SLC45A4: variants seen among roughly 807,000 people sequenced by gnomAD.
The protein encoded by SLC45A4 is polyamine-transporter SLC45A4.
Under a neutral mutation model 63.7 loss-of-function variants are expected in SLC45A4, and 32 were observed. That is an observed-to-expected ratio of 0.50 (90% CI 0.38 to 0.67). The LOEUF (loss-of-function observed/expected upper bound fraction) is 0.67, where lower values mean the gene tolerates loss of function less well. SLC45A4 is among the 30% of genes least tolerant of loss of function. SLC45A4 has a pLI of 0.00. For missense variants in SLC45A4, 1,027 were observed against 1,157.7 expected, an observed-to-expected ratio of 0.89 and a Z score of 1.64; for synonymous variants, 535 against 510.0, an observed-to-expected ratio of 1.05 and a Z score of -0.66.
chr8:141,257,255 C>T (rs186816929), intron 1 of SLC45A4, among the ~76,000 whole-genome samples: 33 of 152,338 alleles, frequency 2.2e-4, no homozygotes, highest in Admixed American at 1.9e-3. Flanking sequence ...CCCACCTTTT[C>T]GGAATCATTC....
In SLC45A4 at chr8:141,254,421, A is replaced by G; in HGVS notation, c.-192T>C. The G allele has an allele frequency of 1.5e-6, 1 of 683,194 alleles. No homozygotes were observed. The highest frequency in any genetic ancestry group is 2.5e-6 in the Non-Finnish European group (1 of 398,202). The allele number at this position is 683,194 out of a possible 1,614,324, so 42.3% of individuals were successfully genotyped here. On this transcript the variant is annotated 5_prime_UTR_variant, in exon 2 of 9. Transcript: ENST00000517878. This position sits in a 1 kb window ranked among gnomAD's most constrained non-coding sequence, Gnocchi z 4.5. ...TCACAACGGTATGAGACATGCAGCA[A>G]CACAGAACGATTTTTGGTTGGATTT...
At chr8:141,243,601 C>T (rs1234375712) in intron 2 of SLC45A4, among the ~76,000 whole-genome samples, 1 of 152,134 alleles carries the variant, frequency 6.6e-6, no homozygotes, top group Non-Finnish European at 1.5e-5. Flanking sequence ...GCCGTAATCG[C>T]ACCACTGTGC....
intron 1 of SLC45A4, among the ~76,000 whole-genome samples, chr8:141,289,626 G>A (rs765377258): frequency 6.6e-6 from 1 of 152,188 alleles, no homozygotes; most frequent in Non-Finnish European, 1.5e-5. Flanking sequence ...TCCGGTGGAC[G>A]CCATGCTGGA....
intron 1 of SLC45A4, among the ~76,000 whole-genome samples, chr8:141,302,353 TCACCATCACCACCAC>T (rs1245312871): frequency 6.6e-5 from 10 of 151,242 alleles, no homozygotes; most frequent in African/African-American, 9.8e-5. Flanking sequence ...TCCACGCCAC[TCACCATCACCACCAC>T]CACCACCACC....
chr8:141,296,159 G>A (rs1019963), intron 1 of SLC45A4, among the ~76,000 whole-genome samples: 14,674 of 151,682 alleles, frequency 0.097, 834 homozygotes, highest in Middle Eastern at 0.16. Context: ...AGTGAAACCT[G>A]GTCCGTGCTA....
chr8:141,268,885 T>A (rs149012573), intron 1 of SLC45A4, among the ~76,000 whole-genome samples: 3 of 152,186 alleles, frequency 2.0e-5, no homozygotes, highest in Admixed American at 2.0e-4. Context: ...CTGCCTCTGA[T>A]CATACAACGA....
At chr8:141,255,758 A>G (rs912413672) in intron 1 of SLC45A4, among the ~76,000 whole-genome samples, 3 of 152,132 alleles carry the variant, frequency 2.0e-5, no homozygotes, top group Non-Finnish European at 2.9e-5. Flanking sequence ...AAACAAAAAG[A>G]AAAGAAAAAT....
At chr8:141,294,582 T>C (rs1296091214) in intron 1 of SLC45A4, among the ~76,000 whole-genome samples, 1 of 152,218 alleles carries the variant, frequency 6.6e-6, no homozygotes, top group Non-Finnish European at 1.5e-5. Context: ...GCCAGTTCCC[T>C]GTGAGCAGTG....
intron 2 of SLC45A4, among the ~76,000 whole-genome samples, chr8:141,243,165 G>T (rs1828000245): frequency 6.6e-6 from 1 of 152,238 alleles, no homozygotes; most frequent in Non-Finnish European, 1.5e-5. Flanking sequence ...CCACCAGAAA[G>T]TCAGGGGGAC....
Position 141,254,862 on chromosome 8 carries a change from C to A in SLC45A4, c.-400-233G>T. On this transcript the variant is annotated intron_variant, in intron 1 of 8. Transcript: ENST00000517878. This position sits in a 1 kb window ranked among gnomAD's most constrained non-coding sequence, Gnocchi z 4.5. ...TGGGGAAGGACAAAGGTGGGGCAATCAAGGAAAGCAGGATCAAAGAACAGA... is the reference window on the plus strand; with the variant it reads ...TGGGGAAGGACAAAGGTGGGGCAATAAAGGAAAGCAGGATCAAAGAACAGA... 2.3e-6 allele frequency: 1 copy of A among 429,366 alleles called. No individual in the cohort carries two copies. 26.6% of individuals were successfully genotyped at this position (429,366 alleles called of 1,614,324 possible). A position where few individuals can be genotyped will look rare whatever the true frequency, so the allele number is the denominator to read the frequency against.
intron 1 of SLC45A4, among the ~76,000 whole-genome samples, chr8:141,262,203 T>C (rs1453479000): frequency 2.7e-5 from 4 of 150,828 alleles, no homozygotes; most frequent in African/African-American, 4.9e-5. Context: ...TTACACCTTA[T>C]ACAAAAATTA....
At chr8:141,251,756 G>T (rs1828476083) in intron 2 of SLC45A4, among the ~76,000 whole-genome samples, 1 of 151,850 alleles carries the variant, frequency 6.6e-6, no homozygotes, top group Non-Finnish European at 1.5e-5. Flanking sequence ...TACAATCATG[G>T]AAGCACTGGA....
In SLC45A4 at chr8:141,256,598, C is replaced by A. The variant is rs1828797875; in HGVS notation, c.-400-1969G>T. On this transcript the variant is annotated intron_variant, in intron 1 of 8. Transcript: ENST00000517878. The surrounding 1 kb of genome is among the most constrained non-coding windows in gnomAD (Gnocchi z 4.3). ...AGCCGTGCGCCTGGCTCTTACGTCC[C>A]AGCTCTTCCCTACATCTTCTTTCAC... 1 of 456,152 alleles carries A rather than the reference C, an allele frequency of 2.2e-6. No individual in the cohort carries two copies. Among genetic ancestry groups the A allele is most frequent in the African/African-American group, 2.0e-5 (1 of 50,070 alleles). The allele number at this position is 456,152 out of a possible 1,614,324, so 28.3% of individuals were successfully genotyped here.
intron 1 of SLC45A4, among the ~76,000 whole-genome samples, chr8:141,275,234 A>G (rs1359510611): frequency 6.6e-6 from 1 of 152,240 alleles, no homozygotes; most frequent in Non-Finnish European, 1.5e-5. Flanking sequence ...TCAGCTGTTC[A>G]GAACCAAGCG....
At chr8:141,222,539 C>T (rs1347675317) in intron 2 of SLC45A4, among the ~76,000 whole-genome samples, 1 of 152,228 alleles carries the variant, frequency 6.6e-6, no homozygotes, top group Non-Finnish European at 1.5e-5. Flanking sequence ...AGGATTCCAG[C>T]CCAGGGCTAC....
chr8:141,242,692 C>T (rs902371991), intron 2 of SLC45A4, among the ~76,000 whole-genome samples: 4 of 152,214 alleles, frequency 2.6e-5, no homozygotes, highest in Non-Finnish European at 5.9e-5. Context: ...CATTAGGCAG[C>T]TTGCCACTCC....
At chr8:141,253,446 C>T (rs1828618612) in intron 2 of SLC45A4, among the ~76,000 whole-genome samples, 1 of 152,254 alleles carries the variant, frequency 6.6e-6, no homozygotes, top group Non-Finnish European at 1.5e-5. Context: ...GGATTCAAGT[C>T]AACAGCAACA....
chr8:141,218,191 G>A lies in SLC45A4; in HGVS notation c.1449C>T (p.Thr483=), dbSNP rs201425274. ...TCTCGCCCTCCCCCTCCTCACTCTC[G>A]GTGTCCCCGCTGGAGGTGGTGGCCC... The part of the protein sequence containing the change: ...QSGATTSSGD[T]ESEEGEGETT... Residue 483 remains threonine (T), a synonymous_variant, in exon 5 of 9, where the codon ACC becomes ACT. Coordinates refer to ENST00000517878, the MANE Select transcript of SLC45A4 (RefSeq NM_001286646.2). 408 of 1,604,096 alleles carry A rather than the reference G, an allele frequency of 2.5e-4. 2 individuals carry two copies. Among genetic ancestry groups the A allele is most frequent in the South Asian group, 1.6e-3 (144 of 91,048 alleles).
intron 1 of SLC45A4, among the ~76,000 whole-genome samples, chr8:141,288,940 C>G (rs950012726): frequency 6.6e-6 from 1 of 152,202 alleles, no homozygotes; most frequent in African/African-American, 2.4e-5. Flanking sequence ...GGACTGCAGT[C>G]AGAGATGAGT....
Sources: gnomAD v4.1 joint callset for allele counts (sites outside exome capture counted in the v4.1 genomes callset) on GRCh38, gnomAD v4.1.1 for gene constraint, Gnocchi (gnomAD v3.1) non-coding constraint, MANE v1.5 for transcripts, NCBI Gene and HGNC (gene_info 2026-07-23, HGNC 2026-07-21) for gene names.